The following OPCML variants were observed in gnomAD, a reference collection of about 807,000 sequenced individuals.
OPCML encodes the protein opioid binding protein/cell adhesion molecule like.
Under a neutral mutation model 37.8 loss-of-function variants are expected in OPCML, and 13 were observed. The ratio of observed to expected loss-of-function variants is 0.34; its 90% CI spans 0.22 to 0.55. The LOEUF (loss-of-function observed/expected upper bound fraction) is 0.55, where lower values mean the gene tolerates loss of function less well. Ranked by LOEUF, OPCML falls within the 20% of genes least tolerant of loss-of-function variation. The pLI, the probability that OPCML is intolerant of heterozygous loss-of-function variation, is 0.91. For synonymous variants in OPCML, 176 were observed against 168.8 expected (o/e 1.04, Z -0.33); for missense variants, 341 against 435.6 (o/e 0.78, Z 1.93).
intron 1 of OPCML, among the ~76,000 whole-genome samples, chr11:133,222,391 G>T (rs78172190): frequency 0.073 from 11,041 of 152,210 alleles, 1,343 homozygotes; most frequent in African/African-American, 0.25. Flanking sequence ...CAGGCTTGGG[G>T]TCTGTTTTAA....
At chr11:133,164,669 T>C (rs1454048258) in intron 1 of OPCML, among the ~76,000 whole-genome samples, 1 of 152,248 alleles carries the variant, frequency 6.6e-6, no homozygotes, top group Non-Finnish European at 1.5e-5. Context: ...CAGTGCTCTA[T>C]AAATGTTATC....
intron 1 of OPCML, among the ~76,000 whole-genome samples, chr11:133,262,965 T>C (rs1941539819): frequency 6.6e-6 from 1 of 151,734 alleles, no homozygotes; most frequent in Admixed American, 6.6e-5. Context: ...GAAGACACCC[T>C]AGACTTCTGG....
At chr11:132,573,133 T>G (rs79970847) in intron 3 of OPCML, among the ~76,000 whole-genome samples, 4,193 of 151,998 alleles carry the variant, frequency 0.028, 91 homozygotes, top group Middle Eastern at 0.062. Flanking sequence ...TTTATTAATT[T>G]ATTTAAGGAA....
chr11:133,005,183 G>A (rs529415555), intron 1 of OPCML: 16 of 985,330 alleles, frequency 1.6e-5, no homozygotes, highest in African/African-American at 8.7e-5. Flanking sequence ...TCTCTAGCCC[G>A]GGTTTTCAGC....
At chr11:132,744,265 A>T (rs545714217) in intron 2 of OPCML, among the ~76,000 whole-genome samples, 1 of 152,152 alleles carries the variant, frequency 6.6e-6, no homozygotes, top group East Asian at 1.9e-4. Flanking sequence ...TTTTTTATGC[A>T]CTCGCTTGTC....
chr11:132,487,301 A>G (rs73585053), intron 4 of OPCML, among the ~76,000 whole-genome samples: 5,559 of 152,260 alleles, frequency 0.037, 317 homozygotes, highest in African/African-American at 0.12. Flanking sequence ...CCCTTTAGGA[A>G]TTTCCAACAT....
chr11:133,494,313 C>T (rs1210930731), intron 1 of OPCML, among the ~76,000 whole-genome samples: 42 of 151,528 alleles, frequency 2.8e-4, no homozygotes, highest in Non-Finnish European at 4.3e-4. Flanking sequence ...GTCAGTGTGG[C>T]GATTCCTCAG....
chr11:132,818,789 AG>A (rs1040293395), intron 2 of OPCML, among the ~76,000 whole-genome samples: 8 of 148,984 alleles, frequency 5.4e-5, no homozygotes, highest in African/African-American at 1.5e-4. Context: ...TATATGGGGG[AG>A]GGGGGAGGCA....
chr11:133,356,592 C>CTTAATTAA (rs1420394639), intron 1 of OPCML, among the ~76,000 whole-genome samples: 2 of 152,170 alleles, frequency 1.3e-5, no homozygotes, highest in African/African-American at 4.8e-5. Context: ...CAATTAAGCC[C>CTTAATTAA]TGTACTATCA....
chr11:133,077,260 T>C (rs1311655492), intron 1 of OPCML, among the ~76,000 whole-genome samples: 1 of 151,704 alleles, frequency 6.6e-6, no homozygotes, highest in Non-Finnish European at 1.5e-5. Flanking sequence ...GAGGAACAAG[T>C]ACTGAGATTG....
intron 1 of OPCML, among the ~76,000 whole-genome samples, chr11:133,498,676 A>T (rs1947839903): frequency 6.6e-6 from 1 of 152,240 alleles, no homozygotes; most frequent in Non-Finnish European, 1.5e-5. Context: ...CCTTATTGGA[A>T]CCAAAGTCCA....
chr11:133,509,258 C>T (rs909748422), intron 1 of OPCML, among the ~76,000 whole-genome samples: 1 of 152,118 alleles, frequency 6.6e-6, no homozygotes, highest in African/African-American at 2.4e-5. Context: ...CTGTGATGTT[C>T]GCCTCCCTGT....
chr11:133,495,850 T>C (rs1390482309), intron 1 of OPCML, among the ~76,000 whole-genome samples: 1 of 152,190 alleles, frequency 6.6e-6, no homozygotes, highest in Non-Finnish European at 1.5e-5. Context: ...CTCTGTGGGT[T>C]GTCTGTTAAC....
chr11:132,515,327 A>G (rs1410248803), intron 4 of OPCML, among the ~76,000 whole-genome samples: 1 of 152,180 alleles, frequency 6.6e-6, no homozygotes, highest in Non-Finnish European at 1.5e-5. Context: ...ACAGGCAGAA[A>G]GGACTTCATT....
At chr11:132,971,413 C>T (rs187295174) in intron 1 of OPCML, among the ~76,000 whole-genome samples, 6 of 152,252 alleles carry the variant, frequency 3.9e-5, no homozygotes, top group Non-Finnish European at 7.4e-5. Context: ...CAGGGACATG[C>T]GCGAGTCTTC....
At chr11:132,612,251 G>A (rs906387162) in intron 3 of OPCML, among the ~76,000 whole-genome samples, 28 of 152,142 alleles carry the variant, frequency 1.8e-4, no homozygotes, top group Non-Finnish European at 7.3e-5. Context: ...CCCTTGGAAC[G>A]AAACAGCTCT....
chr11:133,309,719 C>T (rs1383801091), intron 1 of OPCML, among the ~76,000 whole-genome samples: 1 of 152,156 alleles, frequency 6.6e-6, no homozygotes, highest in Non-Finnish European at 1.5e-5. Context: ...GTGTATGGGA[C>T]CTCTGAATGT....
At chr11:132,844,356 C>T (rs1157407471) in intron 2 of OPCML, among the ~76,000 whole-genome samples, 1 of 152,068 alleles carries the variant, frequency 6.6e-6, no homozygotes, top group African/African-American at 2.4e-5. Flanking sequence ...GGAGAACAGT[C>T]CATTTGGAAG....
At chr11:132,978,072 G>T (rs1312003215) in intron 1 of OPCML, among the ~76,000 whole-genome samples, 2 of 152,184 alleles carry the variant, frequency 1.3e-5, no homozygotes, top group Non-Finnish European at 2.9e-5. Flanking sequence ...TGAGAAACTG[G>T]TGGAGGCAGA....
Sources: gnomAD v4.1 joint callset for allele counts (sites outside exome capture counted in the v4.1 genomes callset) on GRCh38, gnomAD v4.1.1 for gene constraint, MANE v1.5 for transcripts, NCBI Gene and HGNC (gene_info 2026-07-23, HGNC 2026-07-21) for gene names.